Variants in CLHC1 observed in about 807,000 individuals in gnomAD.
The protein encoded by CLHC1 is clathrin heavy chain linker domain containing 1, also known as clathrin heavy chain linker domain-containing protein 1.
In CLHC1, 72 loss-of-function variants were observed where a neutral mutation model predicts 69.5. The observed-to-expected ratio is 1.04, with a 90% CI of 0.86 to 1.26. The LOEUF is 1.26. CLHC1 is among the 50% of genes most tolerant of loss of function. CLHC1 has a pLI of 0.00. For missense variants in CLHC1, 790 were observed against 679.3 expected (o/e 1.16, Z -1.81); for synonymous variants, 223 against 224.3 (o/e 0.99, Z 0.05).
chr2:55,208,489 T>C, intron 8 of CLHC1, 137 bp downstream of exon 8: 1 of 588,854 alleles, frequency 1.7e-6, no homozygotes, highest in South Asian at 2.7e-5. Flanking sequence ...GCTTAACCTG[T>C]ATAAATAAAA....
chr2:55,196,540 C>T (rs1671434163), intron 9 of CLHC1, among the ~76,000 whole-genome samples: 1 of 152,194 alleles, frequency 6.6e-6, no homozygotes, highest in South Asian at 2.1e-4. Flanking sequence ...CATGAGGCCC[C>T]TATTCCAGGC....
At chr2:55,183,118 G>C (rs542178701) in intron 9 of CLHC1, among the ~76,000 whole-genome samples, 4 of 152,236 alleles carry the variant, frequency 2.6e-5, no homozygotes, top group East Asian at 3.9e-4. Context: ...GAAGAGGAGA[G>C]AGTAGCAGAG....
At chr2:55,218,305 A>C (rs1673778294) in intron 3 of CLHC1, 1 of 179,744 alleles carries the variant, frequency 5.6e-6, no homozygotes, top group Non-Finnish European at 1.2e-5. Flanking sequence ...TGCTAGTTCT[A>C]ATTTTCCCAG....
At chr2:55,209,891 A>T in intron 5 of CLHC1, 60 bp from the exon 6 acceptor site, 1 of 1,085,080 alleles carries the variant, frequency 9.2e-7, no homozygotes, top group Non-Finnish European at 1.4e-6. Flanking sequence ...TTGTGCTCAA[A>T]GAGCAAGTCT....
intron 9 of CLHC1, among the ~76,000 whole-genome samples, chr2:55,188,044 T>G (rs1670577660): frequency 6.6e-6 from 1 of 152,168 alleles, no homozygotes; most frequent in African/African-American, 2.4e-5. Context: ...CTGAGTGCAG[T>G]GGCTCACACC....
chr2:55,222,331 C>T lies in CLHC1; in HGVS notation c.81G>A (p.Val27=). 6.2e-7 allele frequency: 1 copy of T among 1,613,654 alleles called. No individual in the cohort carries two copies. Among genetic ancestry groups the T allele is most frequent in the Non-Finnish European group, 8.5e-7 (1 of 1,179,694 alleles). The change falls in exon 3 of 13, where the codon GTG becomes GTA. Residue 27 remains valine (V), a synonymous_variant. Coordinates refer to ENST00000401408, the MANE Select transcript of CLHC1 (RefSeq NM_152385.4). ...CAGTTTCTGTAATTATGTATCTTTG[C>T]ACACTTTCCAAAAATTCCTTGTCAC... ...CRSDKEFLES[V]QRYIITETER...
chr2:55,190,438 C>G (rs753721671), intron 9 of CLHC1, among the ~76,000 whole-genome samples: 16 of 152,010 alleles, frequency 1.1e-4, no homozygotes, highest in Non-Finnish European at 2.2e-4. Context: ...TGTAATAAAT[C>G]AAAATTGACA....
chr2:55,209,879 G>A lies in CLHC1; in HGVS notation c.500-48C>T, dbSNP rs115437426. 147 of 1,247,372 alleles carry A rather than the reference G, an allele frequency of 1.2e-4. No individual in the cohort carries two copies. The East Asian group carries it at 3.1e-3, about 26-fold the overall frequency. 77.3% of individuals were successfully genotyped at this position (1,247,372 alleles called of 1,614,324 possible). A position where few individuals can be genotyped will look rare whatever the true frequency, so the allele number is the denominator to read the frequency against. The stretch of plus-strand genomic sequence containing the variant: ...AAACACGACAAGCCATGTGTGGGAC[G>A]CTTGTGCTCAAAGAGCAAGTCTTAG... On this transcript the variant is annotated intron_variant, in intron 5 of 12. Coordinates refer to ENST00000401408, the MANE Select transcript of CLHC1 (RefSeq NM_152385.4).
At chr2:55,187,338 C>G (rs1345413903) in intron 9 of CLHC1, among the ~76,000 whole-genome samples, 2 of 146,584 alleles carry the variant, frequency 1.4e-5, no homozygotes, top group Non-Finnish European at 3.0e-5. Flanking sequence ...CTGGGCCAGG[C>G]GTGGTGGCTC....
At chr2:55,186,135 G>A (rs1352881095) in intron 9 of CLHC1, among the ~76,000 whole-genome samples, 2 of 152,166 alleles carry the variant, frequency 1.3e-5, no homozygotes, top group East Asian at 1.9e-4. Flanking sequence ...CATCCACAGG[G>A]GAATGAAGTC....
chr2:55,180,442 A>G (rs1217140228), intron 11 of CLHC1, 68 bp downstream of exon 11: 1 of 1,130,454 alleles, frequency 8.8e-7, no homozygotes, highest in Non-Finnish European at 1.3e-6. Context: ...AGTGCTTGCT[A>G]TTATGGGTAA....
At chr2:55,180,418 C>CCGTG in intron 11 of CLHC1, 92 bp downstream of exon 11, 1 of 862,044 alleles carries the variant, frequency 1.2e-6, no homozygotes, top group East Asian at 2.5e-5. Context: ...GATTTTATAA[C>CCGTG]GTAAGTTTAA....
At chr2:55,180,909 A>G (rs533060511) in intron 10 of CLHC1, among the ~76,000 whole-genome samples, 197 bp from the exon 11 acceptor site, 90 of 152,326 alleles carry the variant, frequency 5.9e-4, no homozygotes, top group Middle Eastern at 3.4e-3. Flanking sequence ...AATAGTCAAT[A>G]TGAAAATAAA....
chr2:55,190,218 T>G (rs568579288), intron 9 of CLHC1, among the ~76,000 whole-genome samples: 42 of 133,306 alleles, frequency 3.2e-4, no homozygotes, highest in Middle Eastern at 7.5e-3. Flanking sequence ...CTAATTTTTT[T>G]GTATTTTTTT....
rs1030098207 is a variant in CLHC1 at position 55,172,884 on chromosome 2, T to A, written c.*2906A>T. Among the ~76,000 whole-genome samples, 27 of 152,158 alleles carry A rather than the reference T, an allele frequency of 1.8e-4. No individual in the cohort carries two copies. Among genetic ancestry groups the A allele is most frequent in the East Asian group, 7.7e-4 (4 of 5,200 alleles). ...GGAAAAGTTCTAAATATTAAAAAAA[T>A]TTTTTTCATTAGACTAGACTTCTGT... On this transcript the variant is annotated 3_prime_UTR_variant, in exon 13 of 13. Coordinates refer to ENST00000401408, the MANE Select transcript of CLHC1 (RefSeq NM_152385.4).
chr2:55,200,225 T>TAAAAAAAA (rs34374033), intron 9 of CLHC1, among the ~76,000 whole-genome samples: 3 of 52,920 alleles, frequency 5.7e-5, no homozygotes, highest in Non-Finnish European at 9.9e-5. Flanking sequence ...AAGACTGTCT[T>TAAAAAAAA]AAAAAAAAAA....
chr2:55,182,462 G>C (rs1352443535), intron 9 of CLHC1, among the ~76,000 whole-genome samples: 1 of 152,138 alleles, frequency 6.6e-6, no homozygotes, highest in Non-Finnish European at 1.5e-5. Context: ...ACTTGCAGGG[G>C]AGGAAGACTG....
rs1414563448 is a variant in CLHC1, at chr2:55,173,985, T to C, written c.*1805A>G. ...GCTCTGTCAATGGACACATAATAGCTTTCTATCAATCATATAGGTCTCAAA... is the reference window on the plus strand; with the variant it reads ...GCTCTGTCAATGGACACATAATAGCCTTCTATCAATCATATAGGTCTCAAA... On this transcript the variant is annotated 3_prime_UTR_variant, in exon 13 of 13. Transcript: ENST00000401408. 6.7e-6 allele frequency among the ~76,000 whole-genome samples: 1 copy of C among 148,266 alleles called. No individual in the cohort carries two copies. Among genetic ancestry groups the C allele is most frequent in the Non-Finnish European group, 1.5e-5 (1 of 67,568 alleles).
intron 9 of CLHC1, among the ~76,000 whole-genome samples, chr2:55,200,427 A>T (rs994937543): frequency 2.0e-5 from 3 of 152,132 alleles, no homozygotes; most frequent in Non-Finnish European, 4.4e-5. Flanking sequence ...ATAAAAAGAG[A>T]CAAAGAAAGT....
Sources: allele counts gnomAD v4.1 joint callset (sites outside exome capture counted in the v4.1 genomes callset), GRCh38; gene constraint gnomAD v4.1.1; transcripts MANE v1.5; gene names NCBI Gene and HGNC (gene_info 2026-07-23, HGNC 2026-07-21).